Variants in ERC2 observed in about 807,000 individuals in gnomAD.
The protein encoded by ERC2 is ERC protein 2.
In ERC2, 42 loss-of-function variants were observed where a neutral mutation model predicts 114.8. That is an observed-to-expected ratio of 0.37 (90% CI 0.29 to 0.47). The LOEUF (loss-of-function observed/expected upper bound fraction) is 0.47, where lower values mean the gene tolerates loss of function less well. Among genes scored for constraint, ERC2 ranks in the 20% least tolerant of loss-of-function variants. The probability of loss-of-function intolerance (pLI) is 0.99; values close to 1 mark genes in which losing one functional copy is unlikely to be tolerated. For missense variants in ERC2, 939 were observed against 1,150.7 expected (o/e 0.82, Z 2.66); for synonymous variants, 454 against 425.5 (o/e 1.07, Z -0.82).
intron 3 of ERC2, among the ~76,000 whole-genome samples, chr3:56,220,664 G>T (rs1453617874): frequency 6.6e-6 from 1 of 152,238 alleles, no homozygotes; most frequent in African/African-American, 2.4e-5. Context: ...CCTGGAGCCT[G>T]TGTGCTTCAG....
chr3:56,341,861 C>T (rs2058102255), intron 2 of ERC2, among the ~76,000 whole-genome samples: 1 of 152,118 alleles, frequency 6.6e-6, no homozygotes, highest in Non-Finnish European at 1.5e-5. Context: ...ACCTCTGGAC[C>T]ACATGCAGGA....
intron 7 of ERC2, among the ~76,000 whole-genome samples, chr3:56,033,048 GA>G (rs1560058553): frequency 2.0e-5 from 2 of 101,300 alleles, no homozygotes; most frequent in Non-Finnish European, 2.4e-5. Flanking sequence ...AAGAAAGAAA[GA>G]AAGAAAGAAA....
intron 17 of ERC2, among the ~76,000 whole-genome samples, chr3:55,523,203 C>T (rs576342801): frequency 6.6e-6 from 1 of 152,376 alleles, no homozygotes; most frequent in Admixed American, 6.5e-5. Flanking sequence ...TGCAGCAGGA[C>T]TGCAGAGTCC....
At chr3:56,325,755 C>G (rs2057334355) in intron 2 of ERC2, among the ~76,000 whole-genome samples, 1 of 152,202 alleles carries the variant, frequency 6.6e-6, no homozygotes. Context: ...TCCAAGTTTT[C>G]TTCCCAACCA....
At chr3:56,355,759 G>A (rs1423580475) in intron 2 of ERC2, among the ~76,000 whole-genome samples, 1 of 152,094 alleles carries the variant, frequency 6.6e-6, no homozygotes, top group Non-Finnish European at 1.5e-5. Context: ...GGTAAAGTCT[G>A]GTTCCTCTTT....
At chr3:55,579,668 C>T (rs1410686823) in intron 17 of ERC2, among the ~76,000 whole-genome samples, 2 of 152,250 alleles carry the variant, frequency 1.3e-5, no homozygotes, top group African/African-American at 4.8e-5. Context: ...CGGTTTACTT[C>T]CACAGGCTGC....
intron 4 of ERC2, among the ~76,000 whole-genome samples, chr3:56,156,722 T>A (rs1463587393): frequency 6.6e-6 from 1 of 152,202 alleles, no homozygotes; most frequent in Non-Finnish European, 1.5e-5. Flanking sequence ...AAGGGAGCAC[T>A]GGCTGATTAA....
chr3:56,390,049 G>A (rs939086078), intron 2 of ERC2, among the ~76,000 whole-genome samples: 14 of 151,950 alleles, frequency 9.2e-5, no homozygotes, highest in African/African-American at 2.9e-4. Flanking sequence ...AACCAGTGAC[G>A]GCCAACAAAA....
chr3:56,434,417 C>T lies in ERC2; in HGVS notation c.591G>A (p.Arg197=). 6.2e-7 allele frequency: 1 copy of T among 1,613,966 alleles called. No homozygotes were observed. Among genetic ancestry groups the T allele is most frequent in the Non-Finnish European group, 8.5e-7 (1 of 1,179,890 alleles). The change falls in exon 2 of 18, where the codon AGG becomes AGA. Residue 197 remains arginine, a synonymous_variant. Transcript: ENST00000288221. ...CAGACATCCGCGCTGCCTCTTCTTTCCTCAAGACTCTCTCCTTCTTAAGCT... is the reference window on the plus strand; with the variant it reads ...CAGACATCCGCGCTGCCTCTTCTTTTCTCAAGACTCTCTCCTTCTTAAGCT... ...SPELKKERVL[R]KEEAARMSVL...
intron 13 of ERC2, among the ~76,000 whole-genome samples, chr3:55,935,167 T>C (rs529749187): frequency 6.6e-6 from 1 of 152,296 alleles, no homozygotes; most frequent in Non-Finnish European, 1.5e-5. Flanking sequence ...CTGATCAAAA[T>C]AGGAAATGCT....
intron 2 of ERC2, among the ~76,000 whole-genome samples, chr3:56,412,479 T>C (rs900244886): frequency 3.3e-5 from 5 of 152,246 alleles, no homozygotes; most frequent in Non-Finnish European, 7.3e-5. Flanking sequence ...GAGGACTTCA[T>C]TGGCACGCTG....
chr3:56,293,094 A>G (rs2055198494), intron 3 of ERC2, among the ~76,000 whole-genome samples: 1 of 148,008 alleles, frequency 6.8e-6, no homozygotes, highest in African/African-American at 2.4e-5. Flanking sequence ...GGATGGATTA[A>G]TGAATGAATG....
At chr3:56,002,190 T>C (rs2072128109) in intron 10 of ERC2, among the ~76,000 whole-genome samples, 1 of 152,150 alleles carries the variant, frequency 6.6e-6, no homozygotes, top group African/African-American at 2.4e-5. Context: ...TCAAGCTGTA[T>C]GTATCCTGAA....
In ERC2 at chr3:55,939,805, G is replaced by A. The variant is rs550580586; in HGVS notation, c.2403+10620C>T. ...CACATAGTTCCTTCCCTTGAGAAAT[G>A]TCTGTAAGCCAGGTGGCTCAATTCT... is the stretch of plus-strand genomic sequence containing the variant. On this transcript the variant is annotated intron_variant, in intron 13 of 17. Transcript: ENST00000288221. Among the ~76,000 whole-genome samples the A allele has an allele frequency of 9.6e-4, 147 of 152,338 alleles. No homozygotes were observed. The Middle Eastern group carries it at 0.01, about 11-fold the overall frequency.
intron 10 of ERC2, among the ~76,000 whole-genome samples, chr3:56,003,384 C>G (rs1405883277): frequency 2.0e-5 from 3 of 152,102 alleles, no homozygotes; most frequent in Non-Finnish European, 4.4e-5. Context: ...CTTTCCCTTT[C>G]TCAAGTTAAA....
chr3:56,081,686 T>C (rs1301117636), intron 6 of ERC2, among the ~76,000 whole-genome samples: 2 of 152,128 alleles, frequency 1.3e-5, no homozygotes, highest in East Asian at 3.8e-4. Flanking sequence ...ATATAAGTTT[T>C]TTTTTTAATT....
chr3:56,060,877 T>C (rs1260016211), intron 7 of ERC2, among the ~76,000 whole-genome samples: 1 of 152,222 alleles, frequency 6.6e-6, no homozygotes, highest in Non-Finnish European at 1.5e-5. Flanking sequence ...GATGATTTAC[T>C]CAATTCCAGA....
rs35641379 is a variant in ERC2 at position 56,425,795 on chromosome 3, A to G, written c.657+8556T>C. 3.9e-3 allele frequency among the ~76,000 whole-genome samples: 589 copies of G among 152,268 alleles called. 3 individuals are homozygous for G. Among genetic ancestry groups the G allele is most frequent in the Non-Finnish European group, 5.8e-3 (395 of 68,004 alleles). On this transcript the variant is annotated intron_variant, in intron 2 of 17. Transcript: ENST00000288221. ...ATCAATTAACGGTTTCTGATGTTTT[A>G]TCAATTGGTGAGCTGCAAGTAATAG...
chr3:56,126,185 T>A (rs890974205), intron 6 of ERC2, among the ~76,000 whole-genome samples: 5 of 152,230 alleles, frequency 3.3e-5, no homozygotes, highest in Non-Finnish European at 5.9e-5. Context: ...AAAAATTCCA[T>A]CTTCAAACTT....
Sources: allele counts gnomAD v4.1 joint callset (sites outside exome capture counted in the v4.1 genomes callset), GRCh38; gene constraint gnomAD v4.1.1; transcripts MANE v1.5; gene names NCBI Gene and HGNC (gene_info 2026-07-23, HGNC 2026-07-21).